Variants in DIDO1 observed in about 807,000 individuals in gnomAD.
DIDO1 encodes the protein death-inducer obliterator 1.
DIDO1 carries 16 observed loss-of-function variants against 99.4 expected under a neutral mutation model. The ratio of observed to expected loss-of-function variants is 0.16; its 90% CI spans 0.11 to 0.24. DIDO1 has a LOEUF of 0.24. DIDO1 is among the 10% of genes least tolerant of loss of function. DIDO1 has a pLI of 1.00. For missense variants in DIDO1, 2,996 were observed against 3,014.0 expected, an observed-to-expected ratio of 0.99 and a Z score of 0.14; for synonymous variants, 1,366 against 1,239.1, an observed-to-expected ratio of 1.10 and a Z score of -2.15.
At chr20:62,904,835 C>T (rs2064765289) in intron 6 of DIDO1, among the ~76,000 whole-genome samples, 1 of 147,094 alleles carries the variant, frequency 6.8e-6, no homozygotes, top group Admixed American at 7.0e-5. Flanking sequence ...CACACCAGAC[C>T]TAGCATAGGT....
Position 62,893,132 on chromosome 20 carries a change from C to T in DIDO1, c.3102-170G>A, listed in dbSNP as rs2064435055. ...TCTCCGCCTCCCAGGCTCAGGTGAT[C>T]CTCCCACCTCAGCCTTTCAAGTAGC... is the stretch of plus-strand genomic sequence containing the variant. On this transcript the variant is annotated intron_variant, in intron 12 of 15. Coordinates refer to ENST00000395343, the MANE Select transcript of DIDO1 (RefSeq NM_001193369.2). Among the ~76,000 whole-genome samples the T allele has an allele frequency of 2.0e-5, 3 of 151,802 alleles. No homozygotes were observed. The South Asian group carries it at 6.2e-4, about 32-fold the overall frequency.
Position 62,923,233 on chromosome 20 carries a change from T to C in DIDO1, c.-200+3206A>G, listed in dbSNP as rs186381567. 6.7e-4 allele frequency among the ~76,000 whole-genome samples: 102 copies of C among 152,216 alleles called. 1 individual carries two copies. In the East Asian group the frequency reaches 0.019, roughly 29 times the overall value. On this transcript the variant is annotated intron_variant, in intron 1 of 15. Coordinates refer to ENST00000395343, the MANE Select transcript of DIDO1 (RefSeq NM_001193369.2). The stretch of plus-strand genomic sequence containing the variant: ...CACTGTCGCCCAGGCTGGAGTGCAG[T>C]GGTGCGGTCTCGGCTCACTGCAACC...
At chr20:62,887,904 C>G in intron 15 of DIDO1, 3 of 985,390 alleles carry the variant, frequency 3.0e-6, no homozygotes, top group Non-Finnish European at 3.6e-6. Flanking sequence ...ACAGAGAGTG[C>G]CCCCACTGCG....
intron 3 of DIDO1, 141 bp downstream of exon 3, chr20:62,910,633 T>A: frequency 9.7e-7 from 1 of 1,033,364 alleles, no homozygotes; most frequent in Non-Finnish European, 1.4e-6. Context: ...GCCACTCTTA[T>A]GTGTTTCTTT....
At position 62,907,261 on chromosome 20, in the gene DIDO1, T is replaced by C; in HGVS notation, c.1260A>G (p.Lys420=). ...GAAACTTCATTGTCGCTGCGGCGTG[T>C]TTGAGGATACAGTCATTACTGCAGT... The part of the protein sequence containing the change: ...SVYCSNDCIL[K]HAAATMKFLS... Residue 420 remains lysine, a synonymous_variant, in exon 5 of 16, where the codon AAA becomes AAG. Transcript: ENST00000395343. The C allele has an allele frequency of 6.2e-7, 1 of 1,614,240 alleles. No individual in the cohort carries two copies. Among genetic ancestry groups the C allele is most frequent in the Non-Finnish European group, 8.5e-7 (1 of 1,180,052 alleles).
intron 1 of DIDO1, among the ~76,000 whole-genome samples, chr20:62,919,873 T>C (rs1935026865): frequency 6.6e-6 from 1 of 152,142 alleles, no homozygotes; most frequent in Admixed American, 6.5e-5. Context: ...ACTCTCCAAA[T>C]GAATGCCAGG....
intron 4 of DIDO1, among the ~76,000 whole-genome samples, chr20:62,908,064 T>C (rs2064846044): frequency 2.0e-5 from 3 of 152,114 alleles, no homozygotes; most frequent in Admixed American, 2.0e-4. Flanking sequence ...ACTGCAGCCT[T>C]GATGTCCTGG....
chr20:62,886,779 A>G (rs2064303541), intron 15 of DIDO1, among the ~76,000 whole-genome samples: 1 of 152,242 alleles, frequency 6.6e-6, no homozygotes. Context: ...CTGTCAAAAC[A>G]AAATGTTCAC....
In DIDO1 at chr20:62,881,796, G is replaced by A; in HGVS notation, c.4160C>T (p.Pro1387Leu). Residue 1387 changes from proline (P) to leucine (L), a missense_variant, in exon 16 of 16, where the codon CCT (proline) becomes CTT (leucine). By Grantham distance (98) the Pro-to-Leu change is moderately conservative (BLOSUM62 -3). Coordinates refer to ENST00000395343, the MANE Select transcript of DIDO1 (RefSeq NM_001193369.2). This position sits in a 1 kb window ranked among gnomAD's most constrained non-coding sequence, Gnocchi z 8.3. ...EEEEDDRPYD[P>L]EEEYDPERAF... ...CCTCTCCGGGTCGTACTCCTCCTCA[G>A]GGTCGTATGGCCTGTCGTCCTCCTC... The A allele has an allele frequency of 6.2e-7, 1 of 1,613,444 alleles. No homozygotes were observed. The highest frequency in any genetic ancestry group is 8.5e-7 in the Non-Finnish European group (1 of 1,180,014).
rs1217834504 is a variant in DIDO1 at position 62,896,697 on chromosome 20, C to T, written c.1888G>A (p.Gly630Ser). 2 of 1,613,938 alleles carry T rather than the reference C, an allele frequency of 1.2e-6. No individual in the cohort carries two copies. Among genetic ancestry groups the T allele is most frequent in the Non-Finnish European group, 1.7e-6 (2 of 1,179,928 alleles). Reference protein sequence around the residue: ...AATAASKKFPGSAALVGAVRK... With the variant: ...AATAASKKFPSSAALVGAVRK... ...ACGGCTCCCACCAAAGCAGCGGAGC[C>T]AGGGAACTTCTTGGAGGCAGCCGTT... The change falls in exon 7 of 16, where the codon GGC becomes AGC. Residue 630 changes from glycine (G) to serine (S), a missense_variant. Transcript: ENST00000395343. This position sits in a 1 kb window ranked among gnomAD's most constrained non-coding sequence, Gnocchi z 4.4.
At chr20:62,895,616 T>C (rs2064502340) in intron 8 of DIDO1, among the ~76,000 whole-genome samples, 1 of 152,242 alleles carries the variant, frequency 6.6e-6, no homozygotes, top group African/African-American at 2.4e-5. Flanking sequence ...TTCATTATCC[T>C]AAAATTCTAA....
At chr20:62,892,679 T>C (rs554866509) in intron 13 of DIDO1, 130 bp downstream of exon 13, 10 of 1,255,496 alleles carry the variant, frequency 8.0e-6, no homozygotes, top group South Asian at 6.6e-5. Flanking sequence ...AGACAGACGG[T>C]TGCAAGAGTG....
Position 62,882,046 on chromosome 20 carries a change from C to A in DIDO1, c.3910G>T (p.Ala1304Ser). The part of the protein sequence containing the change: ...AAASTAASST[A>S]SSASKTASPL... ...GATGCTGTTTTGGAAGCAGACGAAG[C>A]GGTGGAGGAAGCTGCCGTGGAGGCT... Residue 1304 changes from alanine to serine, a missense_variant, in exon 16 of 16, where the codon GCT becomes TCT. This residue lies in a region of DIDO1 where 1,562 missense variants were observed against 1,412.6 expected (regional missense o/e 1.11). Transcript: ENST00000395343. The A allele has an allele frequency of 6.2e-7, 1 of 1,613,480 alleles. No individual in the cohort carries two copies. Among genetic ancestry groups the A allele is most frequent in the Non-Finnish European group, 8.5e-7 (1 of 1,180,018 alleles).
intron 6 of DIDO1, among the ~76,000 whole-genome samples, chr20:62,901,569 G>A (rs543302587): frequency 6.6e-6 from 1 of 152,058 alleles, no homozygotes; most frequent in African/African-American, 2.4e-5. Flanking sequence ...ACCCTCCCCT[G>A]TAATCCCTCC....
intron 5 of DIDO1, among the ~76,000 whole-genome samples, chr20:62,906,603 T>C (rs1419404020): frequency 2.6e-5 from 4 of 152,212 alleles, no homozygotes; most frequent in Non-Finnish European, 4.4e-5. Flanking sequence ...CTAGTTGCGC[T>C]TTGCTGGTCA....
At chr20:62,926,895 A>G (rs1418914859), upstream of DIDO1, among the ~76,000 whole-genome samples, 1 of 152,108 alleles carries the variant, frequency 6.6e-6, no homozygotes, top group Non-Finnish European at 1.5e-5. Flanking sequence ...CTAAATTTGT[A>G]AGAGGTGTAG....
rs937719732 is a variant in DIDO1 at position 62,877,762 on chromosome 20, T to A, written c.*1471A>T. 2 of 152,216 alleles carry A rather than the reference T, an allele frequency of 1.3e-5. No homozygotes were observed. Among genetic ancestry groups the A allele is most frequent in the African/African-American group, 4.8e-5 (2 of 41,448 alleles). The allele number at this position is 152,216 out of a possible 1,614,324, so 9.4% of individuals were successfully genotyped here. A position where few individuals can be genotyped will look rare whatever the true frequency, so the allele number is the denominator to read the frequency against. ...AGAAACTTCCTGTAGCTGTTTATTC[T>A]ACTGCGAGTAACAAAACCTAGGTCG... is the stretch of plus-strand genomic sequence containing the variant. On this transcript the variant is annotated 3_prime_UTR_variant, in exon 16 of 16. Coordinates refer to ENST00000395343, the MANE Select transcript of DIDO1 (RefSeq NM_001193369.2).
At chr20:62,904,799 AAAAAAAAAGT>A (rs2064763437) in intron 6 of DIDO1, among the ~76,000 whole-genome samples, 1 of 149,040 alleles carries the variant, frequency 6.7e-6, no homozygotes, top group Non-Finnish European at 1.5e-5. Flanking sequence ...AAAAAAAAAA[AAAAAAAAAGT>A]GTCTTTTTTG....
chr20:62,902,115 AAGGGGC>A (rs2064696203), intron 6 of DIDO1, among the ~76,000 whole-genome samples: 1 of 152,118 alleles, frequency 6.6e-6, no homozygotes. Flanking sequence ...CATAAGCACA[AAGGGGC>A]ACCTGAGGGA....
Sources: gnomAD v4.1 joint callset for allele counts (sites outside exome capture counted in the v4.1 genomes callset) on GRCh38, gnomAD v4.1.1 for gene constraint, gnomAD v4.1.1 regional missense constraint, Gnocchi (gnomAD v3.1) non-coding constraint, MANE v1.5 for transcripts, NCBI Gene and HGNC (gene_info 2026-07-23, HGNC 2026-07-21) for gene names.